Variants in JARID2 observed in about 807,000 individuals in gnomAD.
JARID2 encodes the protein protein Jumonji.
Under a neutral mutation model 125.6 loss-of-function variants are expected in JARID2, and 21 were observed. That is an observed-to-expected ratio of 0.17 (90% CI 0.12 to 0.24). The LOEUF is 0.24. Ranked by LOEUF, JARID2 falls within the 10% of genes least tolerant of loss-of-function variation. JARID2 has a pLI of 1.00. For synonymous variants in JARID2, 736 were observed against 661.6 expected (o/e 1.11, Z -1.73); for missense variants, 1,303 against 1,639.6 (o/e 0.79, Z 3.55).
intron 1 of JARID2, among the ~76,000 whole-genome samples, chr6:15,338,730 T>C (rs1338973535): frequency 6.6e-6 from 1 of 152,056 alleles, no homozygotes; most frequent in Non-Finnish European, 1.5e-5. Context: ...TGCTCCCTCC[T>C]AAAAATTCTT....
At position 15,302,490 on chromosome 6, in the gene JARID2, C is replaced by T. The variant is rs1394237714; in HGVS notation, c.45+55906C>T. 2.6e-5 allele frequency among the ~76,000 whole-genome samples: 4 copies of T among 151,784 alleles called. 1 individual carries two copies. The highest frequency in any genetic ancestry group is 5.9e-5 in the Non-Finnish European group (4 of 67,968). ...AGTTCAAAGCCTAATGGTGTTTTTG[C>T]CTTGATAATCAGGAAGATTTATTCC... On this transcript the variant is annotated intron_variant, in intron 1 of 17. Coordinates refer to ENST00000341776, the MANE Select transcript of JARID2 (RefSeq NM_004973.4).
intron 3 of JARID2, among the ~76,000 whole-genome samples, chr6:15,416,886 C>T (rs1766253544): frequency 6.6e-6 from 1 of 152,142 alleles, no homozygotes; most frequent in Admixed American, 6.5e-5. Flanking sequence ...TTTGCCCCAT[C>T]AGTCTCTCAG....
intron 3 of JARID2, among the ~76,000 whole-genome samples, chr6:15,439,101 CA>C (rs1767341179): frequency 6.6e-6 from 1 of 151,374 alleles, no homozygotes; most frequent in Non-Finnish European, 1.5e-5. Context: ...GAGAATGAGG[CA>C]AACCCAGCTA....
At chr6:15,419,671 A>G (rs560597413) in intron 3 of JARID2, among the ~76,000 whole-genome samples, 7 of 152,362 alleles carry the variant, frequency 4.6e-5, no homozygotes, top group East Asian at 1.9e-4. Flanking sequence ...ATTTTAGGTT[A>G]ATAGTCATTC....
chr6:15,370,426 C>T (rs573919560), intron 1 of JARID2, among the ~76,000 whole-genome samples: 2 of 150,904 alleles, frequency 1.3e-5, no homozygotes, highest in South Asian at 4.2e-4. Context: ...CAAGCTCTGC[C>T]TCCCAGGTTC....
chr6:15,428,363 GCACC>G (rs1766821821), intron 3 of JARID2, among the ~76,000 whole-genome samples: 1 of 151,996 alleles, frequency 6.6e-6, no homozygotes, highest in Admixed American at 6.6e-5. Context: ...TTGGTGTGCT[GCACC>G]CATTAACTCA....
intron 2 of JARID2, among the ~76,000 whole-genome samples, chr6:15,392,077 T>TGTCTGGAGGTG (rs1491286317): frequency 2.4e-5 from 1 of 41,454 alleles, no homozygotes; most frequent in Non-Finnish European, 5.1e-5. Context: ...TGTGTGTGTG[T>TGTCTGGAGGTG]GCGTGTCTGG....
At chr6:15,307,725 T>C (rs1169275866) in intron 1 of JARID2, among the ~76,000 whole-genome samples, 1 of 152,216 alleles carries the variant, frequency 6.6e-6, no homozygotes, top group African/African-American at 2.4e-5. Context: ...GTACTTCAGC[T>C]ACTAGGTTCT....
At chr6:15,446,063 C>T (rs775496525) in intron 3 of JARID2, among the ~76,000 whole-genome samples, 18 of 152,182 alleles carry the variant, frequency 1.2e-4, no homozygotes, top group Non-Finnish European at 2.5e-4. Context: ...CACCAATCTC[C>T]CTTTTCCTCT....
chr6:15,393,107 G>A (rs903787501), intron 2 of JARID2, among the ~76,000 whole-genome samples: 1 of 152,176 alleles, frequency 6.6e-6, no homozygotes, highest in Non-Finnish European at 1.5e-5. Context: ...TTCTTCCTGT[G>A]TATCCCTATG....
At chr6:15,314,078 G>C (rs7757106) in intron 1 of JARID2, among the ~76,000 whole-genome samples, 6,224 of 152,214 alleles carry the variant, frequency 0.041, 181 homozygotes, top group Non-Finnish European at 0.061. Context: ...GCCATGAACA[G>C]TGATGCTGTT....
chr6:15,281,911 C>T (rs749199689), intron 1 of JARID2, among the ~76,000 whole-genome samples: 22 of 146,720 alleles, frequency 1.5e-4, no homozygotes, highest in Non-Finnish European at 3.1e-4. Flanking sequence ...GTGCAGGGTC[C>T]AGGGTATGTG....
chr6:15,409,691 G>A (rs941636693), intron 2 of JARID2, among the ~76,000 whole-genome samples: 5 of 152,116 alleles, frequency 3.3e-5, no homozygotes, highest in South Asian at 4.1e-4. Flanking sequence ...AGGCAAATCC[G>A]GTTACAATCT....
intron 1 of JARID2, among the ~76,000 whole-genome samples, chr6:15,352,611 T>G (rs1005380112): frequency 2.0e-5 from 3 of 152,300 alleles, no homozygotes; most frequent in African/African-American, 7.2e-5. Flanking sequence ...TTACTCTCCC[T>G]TAACGTCCTG....
At position 15,496,134 on chromosome 6, in the gene JARID2, T is replaced by G. The variant is rs754712578; in HGVS notation, c.909T>G (p.Val303=). 4 of 1,607,506 alleles carry G rather than the reference T, an allele frequency of 2.5e-6. No individual in the cohort carries two copies. Among genetic ancestry groups the G allele is most frequent in the Non-Finnish European group, 2.6e-6 (3 of 1,175,712 alleles). ...HRSAQDLRKQ[V]SKVNGVTRMS... ...CCTCTGCTTCTGCTGCTCCACAGGT[T>G]TCTAAGGTAAACGGAGTCACTCGAA... is the stretch of plus-strand genomic sequence containing the variant. Residue 303 remains valine, a splice_region_variant and synonymous_variant, in exon 7 of 18, where the codon GTT becomes GTG. Coordinates refer to ENST00000341776, the MANE Select transcript of JARID2 (RefSeq NM_004973.4).
intron 1 of JARID2, among the ~76,000 whole-genome samples, chr6:15,365,550 C>G (rs747433129): frequency 1.3e-5 from 2 of 152,010 alleles, no homozygotes; most frequent in African/African-American, 4.8e-5. Flanking sequence ...GCCGGAGATT[C>G]AGCCTGTCAG....
At chr6:15,427,611 T>C (rs957822488) in intron 3 of JARID2, among the ~76,000 whole-genome samples, 2 of 152,080 alleles carry the variant, frequency 1.3e-5, no homozygotes, top group Non-Finnish European at 2.9e-5. Flanking sequence ...TCTCATCCCT[T>C]TGCCCTCCTT....
chr6:15,515,325 C>T (rs1024296464), intron 16 of JARID2, among the ~76,000 whole-genome samples: 4 of 152,178 alleles, frequency 2.6e-5, no homozygotes, highest in South Asian at 2.1e-4. Flanking sequence ...CATCCTCTTG[C>T]TGGAACACGC....
At chr6:15,315,340 G>C (rs759258642) in intron 1 of JARID2, among the ~76,000 whole-genome samples, 4 of 152,168 alleles carry the variant, frequency 2.6e-5, no homozygotes, top group Non-Finnish European at 5.9e-5. Flanking sequence ...TTAGAATGCT[G>C]TTTGAACCCA....
Sources: allele counts gnomAD v4.1 joint callset (sites outside exome capture counted in the v4.1 genomes callset), GRCh38; gene constraint gnomAD v4.1.1; transcripts MANE v1.5; gene names NCBI Gene and HGNC (gene_info 2026-07-23, HGNC 2026-07-21).